MSR1: variants seen among roughly 807,000 people sequenced by gnomAD.
MSR1 encodes macrophage scavenger receptor 1.
Under a neutral mutation model 47.2 loss-of-function variants are expected in MSR1, and 53 were observed. The observed-to-expected ratio is 1.12, with a 90% CI of 0.90 to 1.41. The LOEUF (loss-of-function observed/expected upper bound fraction) is 1.41, where lower values mean the gene tolerates loss of function less well. Ranked by LOEUF, MSR1 falls within the 40% of genes most tolerant of loss-of-function variation. The pLI is 0.00. For synonymous variants in MSR1, 239 were observed against 185.6 expected (o/e 1.29, Z -2.34); for missense variants, 786 against 546.9 (o/e 1.44, Z -4.36).
intron 1 of MSR1, chr8:16,186,077 A>C: frequency 8.0e-7 from 1 of 1,244,788 alleles, no homozygotes; most frequent in Non-Finnish European, 1.1e-6. Context: ...AGAAGCAGAA[A>C]TAAAACCTTG....
chr8:16,172,483 G>A (rs1801514007), intron 3 of MSR1, among the ~76,000 whole-genome samples: 1 of 152,086 alleles, frequency 6.6e-6, no homozygotes, highest in South Asian at 2.1e-4. Flanking sequence ...TTTTATTGGA[G>A]AGATGGCATT....
chr8:16,138,028 G>A (rs1326102052), intron 8 of MSR1, among the ~76,000 whole-genome samples: 1 of 150,192 alleles, frequency 6.7e-6, no homozygotes, highest in Non-Finnish European at 1.5e-5. Flanking sequence ...AAAAGCCCTT[G>A]CCTCACAGGC....
chr8:16,112,478 C>T (rs990573037), intron 9 of MSR1, among the ~76,000 whole-genome samples: 1 of 151,914 alleles, frequency 6.6e-6, no homozygotes, highest in African/African-American at 2.4e-5. Context: ...AAGTAATTTC[C>T]AAAGATTTGT....
chr8:16,165,007 A>G (rs144265171), intron 4 of MSR1, among the ~76,000 whole-genome samples: 1,961 of 152,126 alleles, frequency 0.013, 51 homozygotes, highest in African/African-American at 0.045. Context: ...GTGGAATTGA[A>G]TCTATTTCTC....
At chr8:16,167,879 T>C (rs1801360681) in intron 4 of MSR1, among the ~76,000 whole-genome samples, 1 of 152,198 alleles carries the variant, frequency 6.6e-6, no homozygotes, top group Admixed American at 6.6e-5. Flanking sequence ...CCCTTTGATA[T>C]GCTTACTTAT....
chr8:16,162,151 C>A (rs1398785376), intron 5 of MSR1, among the ~76,000 whole-genome samples: 1 of 151,836 alleles, frequency 6.6e-6, no homozygotes, highest in East Asian at 1.9e-4. Context: ...AGTAAAACTG[C>A]AGATATGAAA....
At position 16,144,702 on chromosome 8, in the gene MSR1, G is replaced by A. The variant is rs568373235; in HGVS notation, c.980-1091C>T. ...AAAAAATAACGCTTTTCATTGTAGA[G>A]TTGCCTGTTCATTAAGCACTTTGCC... On this transcript the variant is annotated intron_variant, in intron 7 of 9. Transcript: ENST00000262101. 5.9e-5 allele frequency among the ~76,000 whole-genome samples: 9 copies of A among 152,130 alleles called. No homozygotes were observed. In the South Asian group the frequency reaches 1.9e-3, roughly 32 times the overall value.
At position 16,191,598 on chromosome 8, in the gene MSR1, T is replaced by C. The variant is rs148942506; in HGVS notation, c.-5+1000A>G. ...GGTACAAGTAGTATTTTCTCCATTT[T>C]ACAGGTTAGGGAACTGAAATGTGTA... On this transcript the variant is annotated intron_variant, in intron 1 of 9. Transcript: ENST00000262101. Among the ~76,000 whole-genome samples, 415 of 152,218 alleles carry C rather than the reference T, an allele frequency of 2.7e-3. 1 individual carries two copies. The highest frequency in any genetic ancestry group is 9.4e-3 in the African/African-American group (390 of 41,540).
Position 16,120,519 on chromosome 8 carries a change from A to G in MSR1, c.1121T>C (p.Ile374Thr), listed in dbSNP as rs977795700. 7 of 1,613,062 alleles carry G rather than the reference A, an allele frequency of 4.3e-6. No homozygotes were observed. Among genetic ancestry groups the G allele is most frequent in the Non-Finnish European group, 5.9e-6 (7 of 1,179,790 alleles). The change falls in exon 9 of 10, where the codon ATT (isoleucine) becomes ACT (threonine). Residue 374 changes from isoleucine (I) to threonine (T), a missense_variant. Ile to Thr is a moderately conservative substitution (Grantham distance 89, BLOSUM62 -1). Transcript: ENST00000262101. ...GCGCACTTCCCAGCGATCGTCACAA[A>G]TTGTACCCCACTGGCCGCTGTGGAG... ...EILHSGQWGT[I>T]CDDRWEVRVG...
At chr8:16,180,188 CTT>C (rs1801787331) in intron 1 of MSR1, among the ~76,000 whole-genome samples, 1 of 151,994 alleles carries the variant, frequency 6.6e-6, no homozygotes, top group Non-Finnish European at 1.5e-5. Context: ...CTCATTCACT[CTT>C]TCACTTTCCA....
At chr8:16,153,817 T>C (rs754784785) in intron 6 of MSR1, among the ~76,000 whole-genome samples, 2 of 151,962 alleles carry the variant, frequency 1.3e-5, no homozygotes, top group South Asian at 2.1e-4. Flanking sequence ...TGGCAGCAGA[T>C]TTAATACTGG....
chr8:16,169,232 G>C (rs536080454), intron 3 of MSR1, among the ~76,000 whole-genome samples: 7 of 152,266 alleles, frequency 4.6e-5, no homozygotes, highest in African/African-American at 1.7e-4. Context: ...GAATAAAGTG[G>C]ACTAATGCTT....
chr8:16,145,186 C>A (rs1440689937), intron 7 of MSR1, among the ~76,000 whole-genome samples: 1 of 151,980 alleles, frequency 6.6e-6, no homozygotes, highest in Admixed American at 6.6e-5. Flanking sequence ...TGTGATTATA[C>A]TTTATATCAT....
At chr8:16,112,319 T>C (rs1374256476) in intron 9 of MSR1, among the ~76,000 whole-genome samples, 1 of 152,148 alleles carries the variant, frequency 6.6e-6, no homozygotes, top group Non-Finnish European at 1.5e-5. Context: ...ATGATAATTA[T>C]CTCCATTTCA....
chr8:16,181,577 C>T (rs1016085963), intron 1 of MSR1, among the ~76,000 whole-genome samples: 13 of 151,992 alleles, frequency 8.6e-5, no homozygotes, highest in Non-Finnish European at 1.5e-4. Flanking sequence ...CATGATCTCA[C>T]GTATAAGTGG....
At chr8:16,135,650 G>T (rs912007179) in intron 8 of MSR1, among the ~76,000 whole-genome samples, 27 of 152,120 alleles carry the variant, frequency 1.8e-4, no homozygotes, top group African/African-American at 6.5e-4. Flanking sequence ...ATCTTGTAAG[G>T]CTGTAACTGA....
Position 16,109,786 on chromosome 8 carries a change from A to G in MSR1, c.*299T>C. 1 of 354,000 alleles carries G rather than the reference A, an allele frequency of 2.8e-6. No homozygotes were observed. Among genetic ancestry groups the G allele is most frequent in the South Asian group, 3.4e-5 (1 of 29,092 alleles). 21.9% of individuals were successfully genotyped at this position (354,000 alleles called of 1,614,324 possible). ...GAATTGGAGCCAATTACTGGTATGC[A>G]TTTCTATTACCCTTGGCCTTTGTAA... is the stretch of plus-strand genomic sequence containing the variant. On this transcript the variant is annotated 3_prime_UTR_variant, in exon 10 of 10. Transcript: ENST00000262101.
chr8:16,164,115 A>C lies in MSR1; in HGVS notation c.767T>G (p.Leu256Arg), dbSNP rs1801236890. 1 of 1,611,284 alleles carries C rather than the reference A, an allele frequency of 6.2e-7. No homozygotes were observed. Among genetic ancestry groups the C allele is most frequent in the African/African-American group, 1.3e-5 (1 of 74,846 alleles). The change falls in exon 5 of 10, where the codon CTG becomes CGG. Residue 256 changes from leucine to arginine, a missense_variant. Leu to Arg is a moderately radical substitution (Grantham distance 102). Coordinates refer to ENST00000262101, the MANE Select transcript of MSR1 (RefSeq NM_138715.3). ...GGTCTGAGAATGTTCCCAATCTTTC[A>C]GTCTGAGATCATTAGTGATGTTATT... ...VLNNITNDLR[L>R]KDWEHSQTLR...
intron 9 of MSR1, among the ~76,000 whole-genome samples, chr8:16,117,920 G>A (rs913691006): frequency 6.6e-6 from 1 of 152,118 alleles, no homozygotes; most frequent in African/African-American, 2.4e-5. Flanking sequence ...CACAATAAAT[G>A]TCATGTGCTT....
Sources: gnomAD v4.1 joint callset for allele counts (sites outside exome capture counted in the v4.1 genomes callset) on GRCh38, gnomAD v4.1.1 for gene constraint, MANE v1.5 for transcripts, NCBI Gene and HGNC (gene_info 2026-07-23, HGNC 2026-07-21) for gene names.